The following TUB variants were observed in gnomAD, a reference collection of about 807,000 sequenced individuals.
TUB encodes TUB bipartite transcription factor, also known as tubby protein homolog.
TUB carries 33 observed loss-of-function variants against 59.7 expected under a neutral mutation model. That is an observed-to-expected ratio of 0.55 (90% CI 0.42 to 0.74). The LOEUF is 0.74. Among genes scored for constraint, TUB ranks in the 30% least tolerant of loss-of-function variants. The probability of loss-of-function intolerance (pLI) is 0.00; values close to 1 mark genes in which losing one functional copy is unlikely to be tolerated. For missense variants in TUB, 659 were observed against 672.0 expected, an observed-to-expected ratio of 0.98 and a Z score of 0.21; for synonymous variants, 293 against 256.4, an observed-to-expected ratio of 1.14 and a Z score of -1.36.
intron 2 of TUB, among the ~76,000 whole-genome samples, chr11:8,064,267 C>G (rs530106195): frequency 1.3e-5 from 2 of 152,164 alleles, no homozygotes; most frequent in Non-Finnish European, 2.9e-5. Flanking sequence ...ATGCTTGTCC[C>G]CACCTTGATG....
rs985705236 is a variant in TUB at position 8,102,386 on chromosome 11, A to G, written c.*767A>G. On this transcript the variant is annotated 3_prime_UTR_variant, in exon 12 of 12. Transcript: ENST00000299506. Reference sequence around the variant, plus strand: ...GGGCCCTGCAAGACACAGGCTCAGCATGCAGAAGTGCATGAACAGGGTCCC... The same window carrying G: ...GGGCCCTGCAAGACACAGGCTCAGCGTGCAGAAGTGCATGAACAGGGTCCC... 3 of 152,266 alleles carry G rather than the reference A, an allele frequency of 2.0e-5. No individual in the cohort carries two copies. Among genetic ancestry groups the G allele is most frequent in the Non-Finnish European group, 2.9e-5 (2 of 68,072 alleles). 9.4% of individuals were successfully genotyped at this position (152,266 alleles called of 1,614,324 possible).
chr11:8,037,029 A>G (rs1942655926), upstream of TUB, among the ~76,000 whole-genome samples: 1 of 152,036 alleles, frequency 6.6e-6, no homozygotes. Flanking sequence ...ATGTCCTTTT[A>G]CTCTGACTGG....
intron 1 of TUB, among the ~76,000 whole-genome samples, chr11:8,023,250 T>TC (rs1942456048): frequency 6.6e-6 from 1 of 152,186 alleles, no homozygotes; most frequent in African/African-American, 2.4e-5. Context: ...TGCTGCCTTG[T>TC]ATTAGTCAAA....
At chr11:8,038,814 G>A in exon 1 of TUB, 1 of 1,585,008 alleles carries the variant, frequency 6.3e-7, no homozygotes, top group Non-Finnish European at 8.6e-7. Flanking sequence ...CAGGCTCCAG[G>A]TCTTACTATG....
At chr11:8,093,829 T>A (rs964277532) in intron 3 of TUB, among the ~76,000 whole-genome samples, 1 of 152,180 alleles carries the variant, frequency 6.6e-6, no homozygotes, top group Non-Finnish European at 1.5e-5. Flanking sequence ...TACACTGGGC[T>A]GGGGGTGCCG....
upstream of TUB, among the ~76,000 whole-genome samples, chr11:8,080,781 G>A (rs1943535962): frequency 2.0e-5 from 3 of 152,298 alleles, no homozygotes; most frequent in Middle Eastern, 6.8e-3. Context: ...GTGGGAACTC[G>A]GAGGTGGGGG....
intron 2 of TUB, among the ~76,000 whole-genome samples, chr11:8,051,594 C>T (rs1019712414): frequency 2.6e-5 from 4 of 152,106 alleles, no homozygotes; most frequent in Non-Finnish European, 5.9e-5. Flanking sequence ...GCTATCAATC[C>T]ACTCTCTCCG....
intron 1 of TUB, among the ~76,000 whole-genome samples, chr11:8,088,562 G>A (rs905759706): frequency 2.6e-5 from 4 of 152,214 alleles, no homozygotes; most frequent in East Asian, 1.9e-4. Context: ...ACTCGGGCAC[G>A]CCTGTGCAGG....
At chr11:8,075,427 A>C (rs1359665076) in intron 2 of TUB, 1 of 152,204 alleles carries the variant, frequency 6.6e-6, no homozygotes, top group Non-Finnish European at 1.5e-5. Context: ...TAGTTGCTTC[A>C]TTTGTAAAAT....
upstream of TUB, among the ~76,000 whole-genome samples, chr11:8,078,758 C>T (rs1230120919): frequency 1.3e-5 from 2 of 152,084 alleles, no homozygotes; most frequent in African/African-American, 2.4e-5. Context: ...CCTGCTGCCC[C>T]CAACTTCCCA....
At chr11:8,100,201 C>T (rs1355620180) in intron 9 of TUB, among the ~76,000 whole-genome samples, 1 of 152,170 alleles carries the variant, frequency 6.6e-6, no homozygotes, top group Non-Finnish European at 1.5e-5. Context: ...ACAGAAACTG[C>T]TGATGGATTA....
At chr11:8,019,783 C>A (rs1001781145) in intron 1 of TUB, among the ~76,000 whole-genome samples, 9 of 151,760 alleles carry the variant, frequency 5.9e-5, no homozygotes, top group African/African-American at 2.2e-4. Context: ...CCGGCGTCTG[C>A]GCCCCGCCGG....
At chr11:8,100,755 G>A (rs1373046799) in intron 10 of TUB, 71 bp from the exon 11 acceptor site, 2 of 1,592,366 alleles carry the variant, frequency 1.3e-6, no homozygotes. Flanking sequence ...CCATTCCCGG[G>A]ATAGATCCCT....
At position 8,081,276 on chromosome 11, in the gene TUB, C is replaced by G. The variant is rs1403228812; in HGVS notation, c.-235C>G. 7.2e-5 allele frequency: 54 copies of G among 752,522 alleles called. No homozygotes were observed. Among genetic ancestry groups the G allele is most frequent in the Non-Finnish European group, 8.4e-5 (52 of 617,326 alleles). 46.6% of individuals were successfully genotyped at this position (752,522 alleles called of 1,614,324 possible). On this transcript the variant is annotated 5_prime_UTR_variant, in exon 1 of 12. Coordinates refer to ENST00000299506, the MANE Select transcript of TUB (RefSeq NM_177972.3). ...CGGCCTCCCCGCCTCCACGCGCGCG[C>G]ACGACCCGCGCACTCCCGGAGCTTC... is the stretch of plus-strand genomic sequence containing the variant.
intron 9 of TUB, among the ~76,000 whole-genome samples, chr11:8,099,504 A>G (rs925691750): frequency 6.6e-6 from 1 of 152,212 alleles, no homozygotes; most frequent in African/African-American, 2.4e-5. Flanking sequence ...CCTGCTGACC[A>G]GTTTTGGGGA....
upstream of TUB, chr11:8,076,778 C>T (rs1014430677): frequency 6.6e-6 from 1 of 152,206 alleles, no homozygotes; most frequent in Non-Finnish European, 1.5e-5. Context: ...ATGCCCTATG[C>T]ATTTTATGTT....
chr11:8,078,100 CCTT>C (rs1165396040), upstream of TUB, among the ~76,000 whole-genome samples: 2 of 152,124 alleles, frequency 1.3e-5, no homozygotes, highest in African/African-American at 4.8e-5. Context: ...AAAATGCTAA[CCTT>C]CTTCCCTGGG....
At chr11:8,062,318 G>T (rs1465393119) in intron 2 of TUB, 1 of 152,652 alleles carries the variant, frequency 6.6e-6, no homozygotes, top group Non-Finnish European at 1.5e-5. Context: ...CCTGCAGCAG[G>T]AGACCCTGCC....
intron 2 of TUB, among the ~76,000 whole-genome samples, chr11:8,049,561 G>GGATATATATATA: frequency 8.0e-6 from 1 of 124,260 alleles, no homozygotes; most frequent in Non-Finnish European, 1.7e-5. Flanking sequence ...GTATTATGTG[G>GGATATATATATA]TATATATATA....
Sources: gnomAD v4.1 joint callset for allele counts (sites outside exome capture counted in the v4.1 genomes callset) on GRCh38, gnomAD v4.1.1 for gene constraint, MANE v1.5 for transcripts, NCBI Gene and HGNC (gene_info 2026-07-23, HGNC 2026-07-21) for gene names.